HNF4G: variants seen among roughly 807,000 people sequenced by gnomAD.
HNF4G encodes hepatocyte nuclear factor 4 gamma.
HNF4G carries 21 observed loss-of-function variants against 50.9 expected under a neutral mutation model. The ratio of observed to expected loss-of-function variants is 0.41; its 90% CI spans 0.29 to 0.59. The LOEUF is 0.59. Ranked by LOEUF, HNF4G falls within the 20% of genes least tolerant of loss-of-function variation. HNF4G has a pLI of 0.26. For missense variants in HNF4G, 527 were observed against 559.4 expected (o/e 0.94, Z 0.58); for synonymous variants, 198 against 185.6 (o/e 1.07, Z -0.54).
rs151206699 is a variant in HNF4G, at chr8:75,499,902, T to C, written c.-24+9694T>C. Among the ~76,000 whole-genome samples the C allele has an allele frequency of 8.3e-3, 1,266 of 152,116 alleles. 13 individuals carry two copies. Among genetic ancestry groups the C allele is most frequent in the Non-Finnish European group, 0.013 (860 of 67,920 alleles). ...ACAAAAATTAACTAAAAGTGATCAA[T>C]GACACAAATGCAACTGCTAAAACTA... On this transcript the variant is annotated intron_variant, in intron 2 of 10. Coordinates refer to the HNF4G transcript ENST00000354370.
chr8:75,508,839 G>C (rs1805672334), intron 2 of HNF4G, among the ~76,000 whole-genome samples: 1 of 152,194 alleles, frequency 6.6e-6, no homozygotes, highest in Admixed American at 6.5e-5. Context: ...TGAGTTTGAA[G>C]TGTCTTGTAA....
intron 3 of HNF4G, among the ~76,000 whole-genome samples, chr8:75,550,301 T>C (rs1255953128): frequency 6.6e-6 from 1 of 151,962 alleles, no homozygotes; most frequent in Non-Finnish European, 1.5e-5. Flanking sequence ...TTTTATTCTC[T>C]CTCTCTCTCT....
intron 1 of HNF4G, among the ~76,000 whole-genome samples, chr8:75,431,657 G>A (rs888592042): frequency 2.6e-5 from 4 of 152,182 alleles, no homozygotes; most frequent in African/African-American, 9.7e-5. Context: ...GCCCGGCACA[G>A]TGGCTCACGC....
At chr8:75,516,599 G>A (rs1805894504) in intron 2 of HNF4G, among the ~76,000 whole-genome samples, 1 of 151,956 alleles carries the variant, frequency 6.6e-6, no homozygotes, top group South Asian at 2.1e-4. Context: ...GATTGTGTTG[G>A]TCATCTACAT....
intron 1 of HNF4G, among the ~76,000 whole-genome samples, chr8:75,486,715 A>G (rs985128812): frequency 6.6e-6 from 1 of 152,194 alleles, no homozygotes; most frequent in African/African-American, 2.4e-5. Flanking sequence ...GAATTTAAAA[A>G]CTGAGTAGCC....
chr8:75,557,490 G>T (rs1322652174), intron 6 of HNF4G, among the ~76,000 whole-genome samples: 1 of 152,058 alleles, frequency 6.6e-6, no homozygotes, highest in East Asian at 1.9e-4. Context: ...GCGTGGTGGC[G>T]GGAGCCTGTA....
Position 75,558,634 on chromosome 8 carries a change from T to A in HNF4G, c.850T>A (p.Tyr284Asn). 6.2e-7 allele frequency: 1 copy of A among 1,613,858 alleles called. No individual in the cohort carries two copies. Among genetic ancestry groups the A allele is most frequent in the Non-Finnish European group, 8.5e-7 (1 of 1,179,886 alleles). The change falls in exon 7 of 10, where the codon TAT (tyrosine) becomes AAT (asparagine). Residue 284 changes from tyrosine to asparagine, a missense_variant. Physicochemically the swap from Tyr to Asn is moderately radical, Grantham distance 143. Around this residue, in one of 5 missense-constraint regions of HNF4G, gnomAD observed 308 missense variants for 301.5 expected, o/e 1.02. Transcript: ENST00000396423. ...AGAAATCCAGATTGATGACAATGAG[T>A]ATGCTTGTTTAAAGGCAATTGTATT... ...FQEIQIDDNE[Y>N]ACLKAIVFFD...
chr8:75,541,159 T>G (rs1806610900), intron 1 of HNF4G, among the ~76,000 whole-genome samples: 1 of 152,080 alleles, frequency 6.6e-6, no homozygotes, highest in Non-Finnish European at 1.5e-5. Context: ...AATCCTGAAT[T>G]TAAAAAACAC....
At chr8:75,545,320 G>A (rs1466734552) in intron 2 of HNF4G, among the ~76,000 whole-genome samples, 1 of 151,628 alleles carries the variant, frequency 6.6e-6, no homozygotes, top group African/African-American at 2.4e-5. Context: ...GAGAATCAGA[G>A]AATCACAAAG....
At chr8:75,487,825 A>T (rs1022125690) in intron 1 of HNF4G, among the ~76,000 whole-genome samples, 1 of 152,200 alleles carries the variant, frequency 6.6e-6, no homozygotes, top group Non-Finnish European at 1.5e-5. Flanking sequence ...TAAAAGAAAG[A>T]GATTTGACTC....
At chr8:75,468,945 TGC>T (rs1287726693) in intron 1 of HNF4G, among the ~76,000 whole-genome samples, 1 of 151,042 alleles carries the variant, frequency 6.6e-6, no homozygotes, top group Non-Finnish European at 1.5e-5. Context: ...AAAAAAAAGC[TGC>T]ATTAGTTAGC....
At chr8:75,451,438 T>C (rs564134230) in intron 1 of HNF4G, among the ~76,000 whole-genome samples, 1 of 152,296 alleles carries the variant, frequency 6.6e-6, no homozygotes, top group East Asian at 1.9e-4. Flanking sequence ...ATGGAGCTTT[T>C]CCCCTATGTT....
chr8:75,454,902 G>A (rs567092740), intron 1 of HNF4G, among the ~76,000 whole-genome samples: 1 of 152,152 alleles, frequency 6.6e-6, no homozygotes, highest in South Asian at 2.1e-4. Flanking sequence ...TTGAGTGATT[G>A]AATAAAAGGA....
At chr8:75,535,647 A>G (rs972650596), upstream of HNF4G, among the ~76,000 whole-genome samples, 3 of 151,908 alleles carry the variant, frequency 2.0e-5, no homozygotes, top group African/African-American at 7.2e-5. Context: ...AAGTTTAAAA[A>G]ACAAATTTTC....
intron 1 of HNF4G, among the ~76,000 whole-genome samples, chr8:75,457,529 G>A (rs547876112): frequency 6.6e-6 from 1 of 152,172 alleles, no homozygotes; most frequent in Non-Finnish European, 1.5e-5. Flanking sequence ...ATTAAAACCT[G>A]AGTCTATGTG....
chr8:75,558,364 A>G (rs186497908), intron 6 of HNF4G, among the ~76,000 whole-genome samples, 154 bp from the exon 7 acceptor site: 298 of 152,330 alleles, frequency 2.0e-3, no homozygotes, highest in Non-Finnish European at 2.6e-3. Context: ...TTTTTCTAGC[A>G]TAACTAACAA....
intron 2 of HNF4G, among the ~76,000 whole-genome samples, chr8:75,511,676 T>C (rs562729736): frequency 3.2e-4 from 48 of 152,316 alleles, no homozygotes; most frequent in African/African-American, 7.7e-4. Context: ...CTGCAAGCTC[T>C]GCCTCCCGGG....
intron 3 of HNF4G, among the ~76,000 whole-genome samples, chr8:75,548,648 A>T (rs559141767): frequency 2.0e-4 from 31 of 152,354 alleles, no homozygotes; most frequent in African/African-American, 6.0e-4. Context: ...AACATGTGAC[A>T]GTGTGTAACA....
chr8:75,434,651 T>C (rs1434191748), intron 1 of HNF4G, among the ~76,000 whole-genome samples: 1 of 149,926 alleles, frequency 6.7e-6, no homozygotes, highest in Non-Finnish European at 1.5e-5. Flanking sequence ...AACAAAATGA[T>C]TCCAGAACAC....
Sources: gnomAD v4.1 joint callset for allele counts (sites outside exome capture counted in the v4.1 genomes callset) on GRCh38, gnomAD v4.1.1 for gene constraint, gnomAD v4.1.1 regional missense constraint, MANE v1.5 for transcripts, NCBI Gene and HGNC (gene_info 2026-07-23, HGNC 2026-07-21) for gene names.